Variants in ADAMTS13 observed in about 807,000 individuals in gnomAD.
The protein encoded by ADAMTS13 is A disintegrin and metalloproteinase with thrombospondin motifs 13.
Under a neutral mutation model 155.1 loss-of-function variants are expected in ADAMTS13, and 110 were observed. That is an observed-to-expected ratio of 0.71 (90% confidence interval 0.61 to 0.83). The LOEUF is 0.83. Ranked by LOEUF, ADAMTS13 falls within the 40% of genes least tolerant of loss-of-function variation. The pLI is 0.00. For missense variants in ADAMTS13, 1,707 were observed against 1,891.7 expected (o/e 0.90, Z 1.81); for synonymous variants, 758 against 756.4 (o/e 1.00, Z -0.03).
At position 133,457,979 on chromosome 9, in the gene ADAMTS13, A is replaced by T. The variant is rs200645384; in HGVS notation, c.3794A>T (p.Asn1265Ile). The change falls in exon 28 of 29, where the codon AAT (asparagine) becomes ATT (isoleucine). Residue 1265 changes from asparagine to isoleucine, a missense_variant. By Grantham distance (149) the Asn-to-Ile change is moderately radical. Transcript: ENST00000355699. ...CCCTCGCTGAGTCCAGCCACGAGTA[A>T]TGCAGGGGGCTGCCGGCTCTTCATT... ...VSPSLSPATSNAGGCRLFINV... is the reference protein window; with the variant it reads ...VSPSLSPATSIAGGCRLFINV... 4.3e-5 allele frequency: 69 copies of T among 1,613,592 alleles called. No individual in the cohort carries two copies. Among genetic ancestry groups the T allele is most frequent in the Non-Finnish European group, 5.3e-5 (62 of 1,180,036 alleles).
intron 18 of ADAMTS13, among the ~76,000 whole-genome samples, chr9:133,443,143 AG>A (rs1275035820): frequency 6.6e-6 from 1 of 152,200 alleles, no homozygotes; most frequent in Non-Finnish European, 1.5e-5. Flanking sequence ...GCACACTGTT[AG>A]GGACGAGGCC....
At chr9:133,420,584 C>T (rs1353281684), upstream of ADAMTS13, among the ~76,000 whole-genome samples, 4 of 152,158 alleles carry the variant, frequency 2.6e-5, no homozygotes, top group Admixed American at 2.0e-4. Context: ...TCAGATTGGT[C>T]GATGCAGGTC....
At chr9:133,454,353 G>A in intron 23 of ADAMTS13, 62 bp from the exon 24 acceptor site, 1 of 1,587,696 alleles carries the variant, frequency 6.3e-7, no homozygotes, top group Non-Finnish European at 8.6e-7. Context: ...AGAGGGGCCT[G>A]CGTGGGGCAG....
rs370068648 is a variant in ADAMTS13, at chr9:133,440,559, G to A, written c.1968+34G>A. On this transcript the variant is annotated intron_variant, in intron 16 of 28. Coordinates refer to ENST00000355699, the MANE Select transcript of ADAMTS13 (RefSeq NM_139027.6). The surrounding 1 kb of genome is among the most constrained non-coding windows in gnomAD (Gnocchi z 4.3). ...GAGAGCCTGGGGGAGGCCAGTGGGG[G>A]CTTCTTCTTGGGGGCTATGGCTGCT... 2 of 1,555,238 alleles carry A rather than the reference G, an allele frequency of 1.3e-6. No individual in the cohort carries two copies. The highest frequency in any genetic ancestry group is 1.7e-6 in the Non-Finnish European group (2 of 1,146,986).
chr9:133,441,745 TTTC>T lies in ADAMTS13; in HGVS notation c.1969-650_1969-648del, dbSNP rs1432530436. 2.0e-5 allele frequency among the ~76,000 whole-genome samples: 3 copies of T among 152,072 alleles called. No homozygotes were observed. The highest frequency in any genetic ancestry group is 2.9e-5 in the Non-Finnish European group (2 of 68,012). On this transcript the variant is annotated intron_variant, in intron 16 of 28. Transcript: ENST00000355699. The surrounding 1 kb of genome is among the most constrained non-coding windows in gnomAD (Gnocchi z 5.0). Reference sequence around the variant, plus strand: ...TGGCCACAGGTCCCCAGGGATCCAGTTTCTTCCTGCCGACCCTACCACAGGTCC... The same window carrying T: ...TGGCCACAGGTCCCCAGGGATCCAGTTTCCTGCCGACCCTACCACAGGTCC...
chr9:133,451,894 C>CAAAAAA (rs34716768), intron 23 of ADAMTS13, among the ~76,000 whole-genome samples: 4 of 79,506 alleles, frequency 5.0e-5, no homozygotes, highest in East Asian at 4.1e-4. Context: ...GACCCTGTCT[C>CAAAAAA]AAAAAAAAAA....
Position 133,459,120 on chromosome 9 carries a change from C to G in ADAMTS13, c.4056C>G (p.Leu1352=). The part of the protein sequence containing the change: ...QASLRGQYWT[L]QSWVPEMQDP... ...GCCTGCGGGGCCAGTACTGGACCCTCCAATCATGGGTACCGGAGATGCAGG... is the reference window on the plus strand; with the variant it reads ...GCCTGCGGGGCCAGTACTGGACCCTGCAATCATGGGTACCGGAGATGCAGG... Residue 1352 remains leucine, a synonymous_variant, in exon 29 of 29, where the codon CTC becomes CTG. Coordinates refer to ENST00000355699, the MANE Select transcript of ADAMTS13 (RefSeq NM_139027.6). The G allele has an allele frequency of 6.2e-7, 1 of 1,612,706 alleles. No homozygotes were observed. The highest frequency in any genetic ancestry group is 8.5e-7 in the Non-Finnish European group (1 of 1,179,874).
chr9:133,437,049 C>T (rs1554789314), intron 12 of ADAMTS13, 94 bp downstream of exon 12: 2 of 1,463,234 alleles, frequency 1.4e-6, no homozygotes, highest in Admixed American at 4.2e-5. Flanking sequence ...ACTATCCCTC[C>T]AGCACTGGGC....
rs782214086 is a variant in ADAMTS13, at chr9:133,442,505, G to A, written c.2075G>A (p.Arg692His). ...CAGGCCTGGGTGTGGGCCGCTGTGC[G>A]TGGGCCCTGCTCGGTGAGCTGTGGG... ...PRQAWVWAAV[R>H]GPCSVSCGAG... The change falls in exon 17 of 29, where the codon CGT (arginine) becomes CAT (histidine). Residue 692 changes from arginine to histidine, a missense_variant. By Grantham distance (29) the Arg-to-His change is conservative (BLOSUM62 0). Coordinates refer to ENST00000355699, the MANE Select transcript of ADAMTS13 (RefSeq NM_139027.6). 10 of 1,613,696 alleles carry A rather than the reference G, an allele frequency of 6.2e-6. No individual in the cohort carries two copies. The highest frequency in any genetic ancestry group is 4.4e-5 in the South Asian group (4 of 91,090).
chr9:133,443,448 C>T lies in ADAMTS13; in HGVS notation c.2307C>T (p.Cys769=), dbSNP rs1032634144. 16 of 1,593,368 alleles carry T rather than the reference C, an allele frequency of 1.0e-5. No individual in the cohort carries two copies. The highest frequency in any genetic ancestry group is 1.8e-4 in the Middle Eastern group (1 of 5,598). The change falls in exon 19 of 29, where the codon TGC becomes TGT. Residue 769 remains cysteine, a synonymous_variant. Transcript: ENST00000355699. ...GGGLRERPVR[C]VEAQGSLLKT... is the part of the protein sequence containing the mutation. ...GCCTGCGGGAGCGGCCAGTGCGCTG[C>T]GTGGAGGCCCAGGGCAGCCTCCTGA...
At chr9:133,438,578 G>T (rs1554789819) in intron 14 of ADAMTS13, among the ~76,000 whole-genome samples, 5 of 152,100 alleles carry the variant, frequency 3.3e-5, no homozygotes. Flanking sequence ...TGGGACTGTG[G>T]TGCCTCAGTA....
intron 1 of ADAMTS13, chr9:133,414,747 T>G (rs782748541): frequency 1.2e-6 from 2 of 1,614,156 alleles, no homozygotes; most frequent in Admixed American, 1.7e-5. Context: ...ATATCACCAT[T>G]TGTCCTTTCC....
Position 133,428,728 on chromosome 9 carries a change from G to C in ADAMTS13, c.781G>C (p.Ala261Pro). ...CGGCGCCGCGCCCCGCGCCGGCCTCGCCTGGTCCCCCTGCAGCCGCCGGCA... is the reference window on the plus strand; with the variant it reads ...CGGCGCCGCGCCCCGCGCCGGCCTCCCCTGGTCCCCCTGCAGCCGCCGGCA... ...SDGAAPRAGL[A>P]WSPCSRRQLL... Residue 261 changes from alanine to proline, a missense_variant, in exon 7 of 29, where the codon GCC becomes CCC. Ala to Pro is a conservative substitution (Grantham distance 27, BLOSUM62 -1). This residue lies in a region of ADAMTS13 where 733 missense variants were observed against 749.6 expected (regional missense o/e 0.98). Coordinates refer to ENST00000355699, the MANE Select transcript of ADAMTS13 (RefSeq NM_139027.6). 1 of 1,358,748 alleles carries C rather than the reference G, an allele frequency of 7.4e-7. No homozygotes were observed. Among genetic ancestry groups the C allele is most frequent in the Non-Finnish European group, 9.5e-7 (1 of 1,052,928 alleles). 84.2% of individuals were successfully genotyped at this position (1,358,748 alleles called of 1,614,324 possible).
Position 133,456,095 on chromosome 9 carries a change from C to T in ADAMTS13, c.3427C>T (p.Pro1143Ser), listed in dbSNP as rs782726688. 10 of 1,613,286 alleles carry T rather than the reference C, an allele frequency of 6.2e-6. No homozygotes were observed. In the Admixed American group the frequency reaches 1.5e-4, roughly 24 times the overall value. The stretch of plus-strand genomic sequence containing the variant: ...TGCCTGTGGCAGGCAGCACCTTGAG[C>T]CAACAGGAACCATTGACATGCGAGG... The part of the protein sequence containing the change: ...QGACGRQHLE[P>S]TGTIDMRGPG... Residue 1143 changes from proline (P) to serine (S), a missense_variant, in exon 26 of 29, where the codon CCA becomes TCA. Transcript: ENST00000355699. This position sits in a 1 kb window ranked among gnomAD's most constrained non-coding sequence, Gnocchi z 4.4.
In ADAMTS13 at chr9:133,458,034, C is replaced by T. The variant is rs377686931; in HGVS notation, c.3849C>T (p.Ile1283=). ...INVAPHARIA[I]HALATNMGAG... The stretch of plus-strand genomic sequence containing the variant: ...TGGCTCCGCACGCACGGATTGCCAT[C>T]CATGCCCTGGCCACCAACATGGGCG... The change falls in exon 28 of 29, where the codon ATC becomes ATT. Residue 1283 remains isoleucine (I), a synonymous_variant. Coordinates refer to ENST00000355699, the MANE Select transcript of ADAMTS13 (RefSeq NM_139027.6). 3.5e-4 allele frequency: 560 copies of T among 1,613,372 alleles called. 1 individual carries two copies. The highest frequency in any genetic ancestry group is 4.8e-4 in the Admixed American group (29 of 60,014).
intron 28 of ADAMTS13, 101 bp downstream of exon 28, chr9:133,458,195 T>A: frequency 7.4e-7 from 1 of 1,359,948 alleles, no homozygotes; most frequent in Non-Finnish European, 1.0e-6. Flanking sequence ...ACTAAAACCC[T>A]CAAAATCATT....
intron 25 of ADAMTS13, 139 bp downstream of exon 25, chr9:133,455,574 C>T: frequency 1.2e-6 from 2 of 1,606,186 alleles, no homozygotes; most frequent in Non-Finnish European, 1.7e-6. Flanking sequence ...CGGCTCCTGC[C>T]CGGGCCCCAG....
chr9:133,442,456 A>G lies in ADAMTS13; in HGVS notation c.2026A>G (p.Thr676Ala), dbSNP rs1841742399. The G allele has an allele frequency of 1.2e-6, 2 of 1,613,794 alleles. No individual in the cohort carries two copies. The highest frequency in any genetic ancestry group is 1.7e-6 in the Non-Finnish European group (2 of 1,180,008). ...CCTCACCCGCCCAGACATCACCTTCACCTACTTCCAGCCTAAGCCACGGCA... is the reference window on the plus strand; with the variant it reads ...CCTCACCCGCCCAGACATCACCTTCGCCTACTTCCAGCCTAAGCCACGGCA... The part of the protein sequence containing the change: ...GNLTRPDITF[T>A]YFQPKPRQAW... Residue 676 changes from threonine (T) to alanine (A), a missense_variant, in exon 17 of 29, where the codon ACC becomes GCC. By Grantham distance (58) the Thr-to-Ala change is moderately conservative. This residue lies in a region of ADAMTS13 where 961 missense variants were observed against 1,107.9 expected (regional missense o/e 0.87). Transcript: ENST00000355699.
At chr9:133,415,400 C>T (rs1839522168) in intron 1 of ADAMTS13, among the ~76,000 whole-genome samples, 1 of 151,418 alleles carries the variant, frequency 6.6e-6, no homozygotes, top group Non-Finnish European at 1.5e-5. Context: ...CATCCTGCTA[C>T]ACAGAAATCG....
Sources: allele counts gnomAD v4.1 joint callset (sites outside exome capture counted in the v4.1 genomes callset), GRCh38; gene constraint gnomAD v4.1.1; regional missense constraint gnomAD v4.1.1; non-coding constraint Gnocchi (gnomAD v3.1); transcripts MANE v1.5; gene names NCBI Gene and HGNC (gene_info 2026-07-23, HGNC 2026-07-21).